Variants in MACROD2 observed in about 807,000 individuals in gnomAD.
MACROD2 encodes the protein mono-ADP ribosylhydrolase 2, also known as ADP-ribose glycohydrolase MACROD2.
Under a neutral mutation model 70.4 loss-of-function variants are expected in MACROD2, and 36 were observed. The ratio of observed to expected loss-of-function variants is 0.51; its 90% CI spans 0.39 to 0.68. MACROD2 has a LOEUF of 0.68. MACROD2 is among the 30% of genes least tolerant of loss of function. The pLI is 0.00. For synonymous variants in MACROD2, 172 were observed against 178.8 expected (o/e 0.96, Z 0.30); for missense variants, 496 against 538.4 (o/e 0.92, Z 0.78).
chr20:15,356,871 A>G (rs1274601808), intron 6 of MACROD2, among the ~76,000 whole-genome samples: 1 of 152,234 alleles, frequency 6.6e-6, no homozygotes, highest in East Asian at 1.9e-4. Context: ...CTGTTAATTC[A>G]GGTTACCTAA....
chr20:15,464,629 C>CTG (rs1189166693), intron 7 of MACROD2, among the ~76,000 whole-genome samples: 1 of 152,180 alleles, frequency 6.6e-6, no homozygotes, highest in African/African-American at 2.4e-5. Flanking sequence ...TTAGCTTTAT[C>CTG]CCACTCTGAC....
In MACROD2 at chr20:14,460,245, A is replaced by G. The variant is rs186960748; in HGVS notation, c.272-33234A>G. ...TAATCCTTTGGGTATACACCCAGTA[A>G]TGGGATTGCTGGGTCAAATGGTATT... is the stretch of plus-strand genomic sequence containing the variant. On this transcript the variant is annotated intron_variant, in intron 3 of 17. Transcript: ENST00000684519. Among the ~76,000 whole-genome samples the G allele has an allele frequency of 2.0e-3, 302 of 152,238 alleles. 2 individuals are homozygous for G. In the Middle Eastern group the frequency reaches 0.041, roughly 21 times the overall value.
Position 15,756,502 on chromosome 20 carries a change from C to T in MACROD2, c.646-106243C>T, listed in dbSNP as rs183680136. ...ATAACATTGTTAAAGGTTGCAGCATCTAGAGCCACACAAGTGTACCTCTTT... is the reference window on the plus strand; with the variant it reads ...ATAACATTGTTAAAGGTTGCAGCATTTAGAGCCACACAAGTGTACCTCTTT... On this transcript the variant is annotated intron_variant, in intron 8 of 17. Coordinates refer to ENST00000684519, the MANE Select transcript of MACROD2 (RefSeq NM_001351661.2). 1.9e-4 allele frequency among the ~76,000 whole-genome samples: 29 copies of T among 152,236 alleles called. No homozygotes were observed. The East Asian group carries it at 5.4e-3, about 28-fold the overall frequency.
chr20:15,708,623 T>C (rs115602126), intron 8 of MACROD2, among the ~76,000 whole-genome samples: 6,973 of 130,344 alleles, frequency 0.053, 567 homozygotes, highest in Middle Eastern at 0.11. Flanking sequence ...ACCTGTGATT[T>C]CAGCACTTTG....
At position 15,924,009 on chromosome 20, in the gene MACROD2, GT is replaced by G. The variant is rs1401377999; in HGVS notation, c.776-9263del. Among the ~76,000 whole-genome samples the G allele has an allele frequency of 3.3e-5, 5 of 152,292 alleles. No individual in the cohort carries two copies. In the South Asian group the frequency reaches 8.3e-4, roughly 25 times the overall value. On this transcript the variant is annotated intron_variant, in intron 10 of 17. Transcript: ENST00000684519. ...CAGTCAGCTTTGGGGTGGTTGTTGA[GT>G]TTTATCATCTATGGGATCATACTGA... is the stretch of plus-strand genomic sequence containing the variant.
At chr20:15,683,659 A>G (rs2050190164) in intron 8 of MACROD2, among the ~76,000 whole-genome samples, 1 of 151,878 alleles carries the variant, frequency 6.6e-6, no homozygotes, top group African/African-American at 2.4e-5. Context: ...GCTCACTGCA[A>G]CCTCCACCTC....
chr20:15,814,293 A>G (rs1301622383), intron 8 of MACROD2, among the ~76,000 whole-genome samples: 2 of 152,050 alleles, frequency 1.3e-5, no homozygotes, highest in East Asian at 1.9e-4. Flanking sequence ...GCAGAAGACT[A>G]CTCTGCACAT....
chr20:14,342,407 C>T (rs182717388), intron 3 of MACROD2, among the ~76,000 whole-genome samples: 2 of 152,210 alleles, frequency 1.3e-5, no homozygotes, highest in Non-Finnish European at 1.5e-5. Context: ...TTAAAAGATA[C>T]TCTTATTTGT....
intron 5 of MACROD2, among the ~76,000 whole-genome samples, chr20:14,849,544 G>A (rs2073176759): frequency 6.6e-6 from 1 of 152,090 alleles, no homozygotes; most frequent in African/African-American, 2.4e-5. Context: ...ACTTTGGGAG[G>A]CCGAGACAGG....
chr20:15,779,007 G>C (rs1227646015), intron 8 of MACROD2, among the ~76,000 whole-genome samples: 1 of 152,088 alleles, frequency 6.6e-6, no homozygotes, highest in African/African-American at 2.4e-5. Context: ...AACAGAGAGG[G>C]ATTGGAGAGG....
intron 2 of MACROD2, among the ~76,000 whole-genome samples, chr20:14,012,947 G>A (rs2052934247): frequency 6.6e-6 from 1 of 152,042 alleles, no homozygotes; most frequent in Admixed American, 6.5e-5. Context: ...CTTTACCTTT[G>A]TTTACCTTTC....
chr20:14,515,476 CA>C (rs2085086447), intron 4 of MACROD2, among the ~76,000 whole-genome samples: 1 of 151,654 alleles, frequency 6.6e-6, no homozygotes, highest in Non-Finnish European at 1.5e-5. Flanking sequence ...CACACACACA[CA>C]CACACACACA....
At chr20:15,692,566 G>T (rs1009176179) in intron 8 of MACROD2, among the ~76,000 whole-genome samples, 1 of 152,106 alleles carries the variant, frequency 6.6e-6, no homozygotes, top group African/African-American at 2.4e-5. Context: ...ATTTCTGGGA[G>T]CAATGCTTCC....
chr20:14,094,716 C>T (rs1249499410), intron 3 of MACROD2, among the ~76,000 whole-genome samples: 2 of 152,158 alleles, frequency 1.3e-5, no homozygotes. Flanking sequence ...ACCTACTCTC[C>T]AGATGCAGAC....
intron 4 of MACROD2, among the ~76,000 whole-genome samples, chr20:14,637,045 C>T (rs1984824175): frequency 6.6e-6 from 1 of 152,086 alleles, no homozygotes. Flanking sequence ...TCATACTCTA[C>T]AAACAAGATG....
chr20:14,024,731 C>T (rs528311819), intron 2 of MACROD2, among the ~76,000 whole-genome samples: 17 of 152,278 alleles, frequency 1.1e-4, no homozygotes, highest in African/African-American at 2.9e-4. Flanking sequence ...CTAACTTGAT[C>T]GTGGTGGATA....
At chr20:15,581,909 C>T (rs898025447) in intron 8 of MACROD2, among the ~76,000 whole-genome samples, 11 of 152,094 alleles carry the variant, frequency 7.2e-5, no homozygotes, top group African/African-American at 2.7e-4. Flanking sequence ...ATCGCTTGAG[C>T]GTAGGAGTTT....
intron 5 of MACROD2, among the ~76,000 whole-genome samples, chr20:14,908,229 T>A (rs2073983151): frequency 6.6e-6 from 1 of 152,030 alleles, no homozygotes; most frequent in Non-Finnish European, 1.5e-5. Context: ...CAATCCCAGC[T>A]ACTCAGGAGG....
intron 5 of MACROD2, among the ~76,000 whole-genome samples, chr20:14,793,959 C>A (rs570081589): frequency 1.3e-5 from 2 of 152,158 alleles, no homozygotes; most frequent in East Asian, 3.9e-4. Flanking sequence ...CAGTTTCATA[C>A]CAGTGTCCTA....
Sources: gnomAD v4.1 joint callset for allele counts (sites outside exome capture counted in the v4.1 genomes callset) on GRCh38, gnomAD v4.1.1 for gene constraint, MANE v1.5 for transcripts, NCBI Gene and HGNC (gene_info 2026-07-23, HGNC 2026-07-21) for gene names.